The following CDH12 variants were observed in gnomAD, a reference collection of about 807,000 sequenced individuals.
CDH12 encodes the protein cadherin 12.
A neutral mutation model predicts 74.1 loss-of-function variants in CDH12; 41 were observed. The observed-to-expected ratio is 0.55, with a 90% CI of 0.43 to 0.72. The LOEUF (loss-of-function observed/expected upper bound fraction) is 0.72. Ranked by LOEUF, CDH12 falls within the 30% of genes least tolerant of loss-of-function variation. CDH12 has a pLI of 0.00. For missense variants in CDH12, 945 were observed against 977.2 expected (o/e 0.97, Z 0.44); for synonymous variants, 399 against 355.0 (o/e 1.12, Z -1.39).
intron 5 of CDH12, among the ~76,000 whole-genome samples, chr5:21,991,175 G>A (rs1023913613): frequency 6.6e-6 from 1 of 151,712 alleles, no homozygotes; most frequent in Admixed American, 6.6e-5. Flanking sequence ...TTTAGTAATC[G>A]CTCCCAGGGA....
chr5:21,993,176 T>C (rs1043617765), intron 5 of CDH12, among the ~76,000 whole-genome samples: 1 of 152,016 alleles, frequency 6.6e-6, no homozygotes, highest in Non-Finnish European at 1.5e-5. Flanking sequence ...CCAAACCATA[T>C]CACTTTGGCT....
intron 4 of CDH12, among the ~76,000 whole-genome samples, chr5:22,132,270 T>C (rs1239413117): frequency 6.6e-6 from 1 of 151,764 alleles, no homozygotes; most frequent in Non-Finnish European, 1.5e-5. Flanking sequence ...GAGAGTCTGA[T>C]GGAGGAAAAA....
chr5:22,216,117 GAACA>G (rs1751795543), intron 3 of CDH12, among the ~76,000 whole-genome samples: 1 of 151,910 alleles, frequency 6.6e-6, no homozygotes. Context: ...CCACTATGTC[GAACA>G]AATATGTTTA....
At chr5:21,900,660 C>G (rs1025774522) in intron 6 of CDH12, among the ~76,000 whole-genome samples, 2 of 152,160 alleles carry the variant, frequency 1.3e-5, no homozygotes, top group Non-Finnish European at 2.9e-5. Flanking sequence ...CTGATTTGGA[C>G]TTTGAACAGA....
intron 4 of CDH12, among the ~76,000 whole-genome samples, chr5:22,092,715 T>G (rs1324692067): frequency 2.6e-5 from 4 of 152,014 alleles, no homozygotes; most frequent in Non-Finnish European, 5.9e-5. Context: ...AATATAGAGT[T>G]TATGAGATGA....
intron 4 of CDH12, among the ~76,000 whole-genome samples, chr5:22,126,854 C>T (rs924691119): frequency 1.3e-5 from 2 of 152,172 alleles, no homozygotes; most frequent in African/African-American, 4.8e-5. Flanking sequence ...GACCATTGCT[C>T]TTTATCATCC....
intron 2 of CDH12, among the ~76,000 whole-genome samples, chr5:22,414,116 G>C (rs1040259003): frequency 1.3e-5 from 2 of 151,922 alleles, no homozygotes; most frequent in African/African-American, 4.8e-5. Flanking sequence ...GTTCCAAACT[G>C]AAAATATTTG....
At chr5:22,574,517 A>G (rs1739687998) in intron 1 of CDH12, among the ~76,000 whole-genome samples, 1 of 152,192 alleles carries the variant, frequency 6.6e-6, no homozygotes, top group Non-Finnish European at 1.5e-5. Flanking sequence ...TATCAAACTT[A>G]TTAATCTGTA....
chr5:21,755,908 A>G (rs1281990468), intron 13 of CDH12, 66 bp from the exon 14 acceptor site: 4 of 1,460,886 alleles, frequency 2.7e-6, no homozygotes, highest in East Asian at 2.3e-5. Flanking sequence ...TCAAGTTGGT[A>G]TCTGCTCAAT....
intron 4 of CDH12, among the ~76,000 whole-genome samples, chr5:22,133,728 T>C (rs1308207711): frequency 6.6e-6 from 1 of 152,112 alleles, no homozygotes; most frequent in Non-Finnish European, 1.5e-5. Context: ...TTATATTCTA[T>C]ACATCTATAC....
At chr5:22,034,585 T>C (rs1334213630) in intron 5 of CDH12, among the ~76,000 whole-genome samples, 1 of 152,104 alleles carries the variant, frequency 6.6e-6, no homozygotes, top group African/African-American at 2.4e-5. Context: ...AGATGACAAT[T>C]AATAAAGGAT....
chr5:22,830,967 T>A (rs904887505), intron 1 of CDH12, among the ~76,000 whole-genome samples: 2 of 151,798 alleles, frequency 1.3e-5, no homozygotes, highest in Non-Finnish European at 1.5e-5. Flanking sequence ...TTTTCTTAAA[T>A]CAGCTATTTT....
intron 7 of CDH12, among the ~76,000 whole-genome samples, chr5:21,852,064 G>A (rs1750495554): frequency 6.6e-6 from 1 of 151,442 alleles, no homozygotes; most frequent in Non-Finnish European, 1.5e-5. Context: ...TGGAACAAAT[G>A]GAGACTATTT....
chr5:22,654,022 A>G (rs11750559), intron 1 of CDH12, among the ~76,000 whole-genome samples: 1,064 of 97,494 alleles, frequency 0.011, 15 homozygotes, highest in East Asian at 0.06. Flanking sequence ...TGTCCTTCCC[A>G]TTCCTTCTCC....
chr5:22,739,705 T>C (rs1183630250), intron 1 of CDH12, among the ~76,000 whole-genome samples: 1 of 152,036 alleles, frequency 6.6e-6, no homozygotes, highest in East Asian at 1.9e-4. Flanking sequence ...CATTTAACCA[T>C]CACCCCTCCA....
At chr5:21,976,961 A>C (rs984653862) in intron 5 of CDH12, among the ~76,000 whole-genome samples, 1 of 152,126 alleles carries the variant, frequency 6.6e-6, no homozygotes, top group Non-Finnish European at 1.5e-5. Context: ...CTGTAGCTAC[A>C]TCTTTGCTCT....
chr5:22,295,726 G>C (rs958198873), intron 3 of CDH12, among the ~76,000 whole-genome samples: 3 of 151,972 alleles, frequency 2.0e-5, no homozygotes, highest in Non-Finnish European at 4.4e-5. Context: ...GACTAATCTG[G>C]AGATATGAAC....
At chr5:22,660,816 G>T (rs1391938179) in intron 1 of CDH12, among the ~76,000 whole-genome samples, 1 of 152,126 alleles carries the variant, frequency 6.6e-6, no homozygotes, top group African/African-American at 2.4e-5. Flanking sequence ...TTAATTGTGA[G>T]TTTTTAAAGA....
intron 1 of CDH12, among the ~76,000 whole-genome samples, chr5:22,625,749 GC>G (rs1294472153): frequency 2.6e-5 from 4 of 152,268 alleles, no homozygotes; most frequent in South Asian, 4.1e-4. Flanking sequence ...CAAGCAGGGT[GC>G]TTCCTGGAGG....
Sources: allele counts gnomAD v4.1 joint callset (sites outside exome capture counted in the v4.1 genomes callset), GRCh38; gene constraint gnomAD v4.1.1; transcripts MANE v1.5; gene names NCBI Gene and HGNC (gene_info 2026-07-23, HGNC 2026-07-21).